The following LRRN2 variants were observed in gnomAD, a reference collection of about 807,000 sequenced individuals.
LRRN2 encodes leucine-rich repeat neuronal protein 2.
In LRRN2, 10 loss-of-function variants were observed where a neutral mutation model predicts 35.7. The observed-to-expected ratio is 0.28, with a 90% CI of 0.17 to 0.47. The LOEUF is 0.47. LRRN2 is among the 20% of genes least tolerant of loss of function. The probability of loss-of-function intolerance (pLI) is 0.99; values close to 1 mark genes in which losing one functional copy is unlikely to be tolerated. For missense variants in LRRN2, 731 were observed against 940.3 expected, an observed-to-expected ratio of 0.78 and a Z score of 2.91; for synonymous variants, 391 against 409.6, an observed-to-expected ratio of 0.95 and a Z score of 0.55.
At chr1:204,665,644 T>G (rs1039672454) in intron 1 of LRRN2, among the ~76,000 whole-genome samples, 4 of 152,226 alleles carry the variant, frequency 2.6e-5, no homozygotes, top group African/African-American at 9.6e-5. Context: ...AATGTGTCCC[T>G]GGAGGCTGGG....
At chr1:204,682,078 A>G (rs1263164147) in intron 1 of LRRN2, among the ~76,000 whole-genome samples, 1 of 152,116 alleles carries the variant, frequency 6.6e-6, no homozygotes, top group Admixed American at 6.5e-5. Flanking sequence ...GAGCTTTTAT[A>G]AAGAGTCCAA....
chr1:204,642,794 G>T (rs1419318589), intron 1 of LRRN2, among the ~76,000 whole-genome samples: 3 of 152,158 alleles, frequency 2.0e-5, no homozygotes, highest in Admixed American at 6.5e-5. Context: ...TGCCAGGGAG[G>T]AACATGAACC....
In LRRN2 at chr1:204,617,346, C is replaced by A; in HGVS notation, c.*505G>T. The A allele has an allele frequency of 6.5e-6, 1 of 154,688 alleles. No homozygotes were observed. The highest frequency in any genetic ancestry group is 1.4e-5 in the Non-Finnish European group (1 of 69,512). The allele number at this position is 154,688 out of a possible 1,614,324, so 9.6% of individuals were successfully genotyped here. ...CCGAGCCCAGGCTGCTGAGATGAGGCGTTCCTGGGCATCCCTCTCCCAAAT... is the reference window on the plus strand; with the variant it reads ...CCGAGCCCAGGCTGCTGAGATGAGGAGTTCCTGGGCATCCCTCTCCCAAAT... On this transcript the variant is annotated 3_prime_UTR_variant, in exon 2 of 2. Coordinates refer to ENST00000367177, the MANE Select transcript of LRRN2 (RefSeq NM_201630.2).
In LRRN2 at chr1:204,619,243, G is replaced by T; in HGVS notation, c.750C>A (p.Ala250=). ...GTTCCAGTGCCCGCCTGGGCACCCG[G>T]GCCAGCTGGTTGTCATAGAAGGAGA... ...ESLSFYDNQL[A]RVPRRALEQV... is the part of the protein sequence containing the mutation. Residue 250 remains alanine (A), a synonymous_variant, in exon 2 of 2, where the codon GCC becomes GCA. Coordinates refer to ENST00000367177, the MANE Select transcript of LRRN2 (RefSeq NM_201630.2). The T allele has an allele frequency of 1.2e-6, 2 of 1,614,134 alleles. No homozygotes were observed. Among genetic ancestry groups the T allele is most frequent in the Non-Finnish European group, 1.7e-6 (2 of 1,180,032 alleles).
At chr1:204,656,955 T>G (rs1450090732) in intron 1 of LRRN2, among the ~76,000 whole-genome samples, 1 of 152,180 alleles carries the variant, frequency 6.6e-6, no homozygotes, top group Non-Finnish European at 1.5e-5. Context: ...TCTCTGCATC[T>G]TCCTTAAAAA....
At position 204,618,589 on chromosome 1, in the gene LRRN2, GGCA is replaced by G. The variant is rs1666575769; in HGVS notation, c.1401_1403del (p.Ala468del). The G allele has an allele frequency of 6.2e-7, 1 of 1,613,978 alleles. No individual in the cohort carries two copies. The highest frequency in any genetic ancestry group is 1.7e-5 in the Admixed American group (1 of 60,032). ...ACACCCGGTACCTCCTGCCTGCATG[GGCA>G]GGTGTCAGTCGAAGCCCAGCTGGAG... is the stretch of plus-strand genomic sequence containing the variant. On this transcript the variant is annotated inframe_deletion, in exon 2 of 2. Coordinates refer to ENST00000367177, the MANE Select transcript of LRRN2 (RefSeq NM_201630.2).
chr1:204,619,312 C>T lies in LRRN2; in HGVS notation c.681G>A (p.Glu227=). Residue 227 remains glutamate (E), a synonymous_variant, in exon 2 of 2, where the codon GAG becomes GAA. Transcript: ENST00000367177. ...SLVLAGMNLR[E]ISDYALEGLQ... ...GCCCCTCCAGGGCATAGTCGGAGAT[C>T]TCCCGCAGGTTCATGCCTGCTAGCA... 1 of 1,614,198 alleles carries T rather than the reference C, an allele frequency of 6.2e-7. No individual in the cohort carries two copies. The highest frequency in any genetic ancestry group is 8.5e-7 in the Non-Finnish European group (1 of 1,180,034).
At chr1:204,641,528 T>C (rs55735119) in intron 1 of LRRN2, among the ~76,000 whole-genome samples, 19,888 of 152,266 alleles carry the variant, frequency 0.13, 1,466 homozygotes, top group South Asian at 0.27. Flanking sequence ...TTATTGAATG[T>C]TAACTATGTG....
In LRRN2 at chr1:204,618,513, G is replaced by A; in HGVS notation, c.1480C>T (p.Leu494=). The A allele has an allele frequency of 6.2e-7, 1 of 1,614,216 alleles. No homozygotes were observed. The highest frequency in any genetic ancestry group is 8.5e-7 in the Non-Finnish European group (1 of 1,180,048). The change falls in exon 2 of 2, where the codon CTA becomes TTA. Residue 494 remains leucine, a synonymous_variant. Coordinates refer to ENST00000367177, the MANE Select transcript of LRRN2 (RefSeq NM_201630.2). The part of the protein sequence containing the change: ...LRRVTAEEAG[L]YTCVAQNLVG... ...AGGTTCTGGGCCACACAGGTGTATA[G>A]CCCTGCCTCTTCTGCTGTCACCCTC...
rs754313606 is a variant in LRRN2, at chr1:204,619,455, T to C, written c.538A>G (p.Ile180Val). The change falls in exon 2 of 2, where the codon ATT becomes GTT. Residue 180 changes from isoleucine to valine, a missense_variant. Around this residue, in one of 3 missense-constraint regions of LRRN2, gnomAD observed 246 missense variants for 289.5 expected, o/e 0.85. Transcript: ENST00000367177. ...AGCATTTCAAACCAGCGGCTGTCAA[T>C]GGCCCTCAGGAGGTTGGAGTTGAGG... The part of the protein sequence containing the change: ...LHLNSNLLRA[I>V]DSRWFEMLPN... The C allele has an allele frequency of 1.3e-5, 21 of 1,614,238 alleles. No homozygotes were observed. The Middle Eastern group carries it at 2.8e-3, about 216-fold the overall frequency.
intron 1 of LRRN2, among the ~76,000 whole-genome samples, chr1:204,668,473 T>A (rs2102623633): frequency 6.6e-6 from 1 of 152,276 alleles, no homozygotes; most frequent in South Asian, 2.1e-4. Flanking sequence ...TGCGTGCCTG[T>A]GGACCCAGCT....
chr1:204,656,091 A>G (rs1039622697), intron 1 of LRRN2, among the ~76,000 whole-genome samples: 6 of 151,416 alleles, frequency 4.0e-5, no homozygotes, highest in Non-Finnish European at 8.8e-5. Flanking sequence ...TCGTATTTTT[A>G]GTAGAGACGG....
chr1:204,654,984 G>A (rs1668317323), intron 1 of LRRN2, among the ~76,000 whole-genome samples: 1 of 152,224 alleles, frequency 6.6e-6, no homozygotes, highest in Non-Finnish European at 1.5e-5. Flanking sequence ...TAAGAGCTCT[G>A]GGACTACCAG....
intron 1 of LRRN2, chr1:204,621,618 C>G (rs1666902699): frequency 1.2e-5 from 2 of 167,086 alleles, no homozygotes; most frequent in African/African-American, 4.8e-5. Flanking sequence ...CTCCAGAGTT[C>G]CTTTCTTCAG....
At chr1:204,646,497 A>T (rs1457844965) in intron 1 of LRRN2, among the ~76,000 whole-genome samples, 6 of 151,916 alleles carry the variant, frequency 3.9e-5, no homozygotes, top group Non-Finnish European at 2.9e-5. Context: ...ACTCTGGGAG[A>T]GCTGGGGGAG....
intron 1 of LRRN2, among the ~76,000 whole-genome samples, chr1:204,640,971 A>G (rs557726496): frequency 1.3e-5 from 2 of 151,892 alleles, no homozygotes; most frequent in South Asian, 2.1e-4. Flanking sequence ...CAGGAGTTCT[A>G]ATAACAGCTC....
chr1:204,637,297 C>T (rs1667858597), intron 1 of LRRN2, among the ~76,000 whole-genome samples: 1 of 152,236 alleles, frequency 6.6e-6, no homozygotes, highest in Non-Finnish European at 1.5e-5. Flanking sequence ...ACTTTCTCAT[C>T]AAACCAATCA....
intron 1 of LRRN2, among the ~76,000 whole-genome samples, chr1:204,635,507 G>A (rs2102597041): frequency 6.6e-6 from 1 of 152,226 alleles, no homozygotes; most frequent in South Asian, 2.1e-4. Context: ...GAGAACCACA[G>A]CAGTTGTCCA....
chr1:204,672,044 C>T (rs1449173831), intron 1 of LRRN2, among the ~76,000 whole-genome samples: 1 of 152,190 alleles, frequency 6.6e-6, no homozygotes, highest in African/African-American at 2.4e-5. Flanking sequence ...AAAGGCTTCC[C>T]TGAATGAAGA....
Sources: gnomAD v4.1 joint callset for allele counts (sites outside exome capture counted in the v4.1 genomes callset) on GRCh38, gnomAD v4.1.1 for gene constraint, gnomAD v4.1.1 regional missense constraint, MANE v1.5 for transcripts, NCBI Gene and HGNC (gene_info 2026-07-23, HGNC 2026-07-21) for gene names.